The following NRL variants were observed in gnomAD, a reference collection of about 807,000 sequenced individuals.
NRL encodes neural retina leucine zipper.
NRL carries 16 observed loss-of-function variants against 12.5 expected under a neutral mutation model. That is an observed-to-expected ratio of 1.28 (90% CI 0.87 to 1.95). NRL has a LOEUF of 1.95. NRL is among the 30% of genes most tolerant of loss of function. The pLI is 0.00. For synonymous variants in NRL, 142 were observed against 150.9 expected, an observed-to-expected ratio of 0.94 and a Z score of 0.43; for missense variants, 314 against 325.8, an observed-to-expected ratio of 0.96 and a Z score of 0.28.
At chr14:24,113,447 C>T (rs1018851111) in intron 1 of NRL, among the ~76,000 whole-genome samples, 1 of 152,034 alleles carries the variant, frequency 6.6e-6, no homozygotes, top group African/African-American at 2.4e-5. Flanking sequence ...ATAAAGATCC[C>T]GATTTTCCAG....
At chr14:24,101,631 A>G (rs537331429) in intron 1 of NRL, among the ~76,000 whole-genome samples, 1 of 152,322 alleles carries the variant, frequency 6.6e-6, no homozygotes, top group South Asian at 2.1e-4. Flanking sequence ...TAGCTTTAAA[A>G]TCAATTCCTT....
chr14:24,082,868 G>A lies in NRL; in HGVS notation c.-20C>T. The A allele has an allele frequency of 2.5e-6, 4 of 1,604,670 alleles. No homozygotes were observed. The highest frequency in any genetic ancestry group is 3.4e-6 in the Non-Finnish European group (4 of 1,174,446). ...GGCCATTCTGGAGCTGGGCTGGGAG[G>A]AGTGCACCTGCAAAGAGGAGGAGAG... On this transcript the variant is annotated 5_prime_UTR_variant, in exon 2 of 3. Coordinates refer to ENST00000561028, the MANE Select transcript of NRL (RefSeq NM_001354768.3).
chr14:24,098,200 C>T (rs368443004), intron 1 of NRL: 3 of 1,591,082 alleles, frequency 1.9e-6, no homozygotes, highest in African/African-American at 2.7e-5. Context: ...CCCTCTCCCC[C>T]AGCTGGCTGG....
intron 1 of NRL, chr14:24,098,902 T>C (rs1462051186): frequency 4.1e-6 from 3 of 735,236 alleles, no homozygotes; most frequent in East Asian, 5.0e-5. Context: ...TGGAAGCTGA[T>C]GGTTATTATG....
chr14:24,098,996 C>T, intron 1 of NRL: 1 of 1,413,828 alleles, frequency 7.1e-7, no homozygotes, highest in Non-Finnish European at 9.8e-7. Flanking sequence ...CTGGCCCCGA[C>T]ACCCCAGTTC....
intron 1 of NRL, among the ~76,000 whole-genome samples, chr14:24,091,459 G>A (rs1428836767): frequency 6.6e-6 from 1 of 152,214 alleles, no homozygotes; most frequent in African/African-American, 2.4e-5. Context: ...AAGGAGGCAA[G>A]TGGGGATGTG....
In NRL at chr14:24,085,123, C is replaced by T. The variant is rs1468764874; in HGVS notation, c.-27-2248G>A. Among the ~76,000 whole-genome samples, 1 of 152,220 alleles carries T rather than the reference C, an allele frequency of 6.6e-6. No homozygotes were observed. The highest frequency in any genetic ancestry group is 1.9e-4 in the East Asian group (1 of 5,206). On this transcript the variant is annotated intron_variant, in intron 1 of 2. Transcript: ENST00000561028. The surrounding 1 kb of genome is among the most constrained non-coding windows in gnomAD (Gnocchi z 4.1). ...TTTCTACCTCTGCCCCATCTTCATGCTGACTGGTCTTATGCCCCTCATAGC... is the reference window on the plus strand; with the variant it reads ...TTTCTACCTCTGCCCCATCTTCATGTTGACTGGTCTTATGCCCCTCATAGC...
In NRL at chr14:24,082,551, G is replaced by A; in HGVS notation, c.298C>T (p.Gln100Ter). Residue 100 changes from glutamine (Q) to a stop codon, truncating the protein, a stop_gained, in exon 2 of 3, where the codon CAG becomes TAG. Coordinates refer to ENST00000561028, the MANE Select transcript of NRL (RefSeq NM_001354768.3). LOFTEE classifies it high-confidence loss of function. ...TCAACAGGGACTGGGCCCTGACCCTGCAGCAGCTCCATGGCCTCTTCAGGA... is the reference window on the plus strand; with the variant it reads ...TCAACAGGGACTGGGCCCTGACCCTACAGCAGCTCCATGGCCTCTTCAGGA... ...LSPEEAMELL[Q>*]GQGPVPVDGP... 1 of 1,613,512 alleles carries A rather than the reference G, an allele frequency of 6.2e-7. No homozygotes were observed. The highest frequency in any genetic ancestry group is 8.5e-7 in the Non-Finnish European group (1 of 1,180,014).
chr14:24,100,223 G>A, intron 1 of NRL: 1 of 1,613,962 alleles, frequency 6.2e-7, no homozygotes, highest in Admixed American at 1.7e-5. Context: ...GGTATGTGCG[G>A]TGGGGAAGGT....
At chr14:24,082,174 A>C (rs1254726719) in intron 2 of NRL, 8 of 694,576 alleles carry the variant, frequency 1.2e-5, no homozygotes, top group South Asian at 1.3e-4. Context: ...GTATCTGTTT[A>C]CCCCCCGGAG....
chr14:24,110,156 G>C (rs1013629216), intron 1 of NRL: 1 of 152,734 alleles, frequency 6.5e-6, no homozygotes, highest in Non-Finnish European at 1.5e-5. Flanking sequence ...TCTCATTCTC[G>C]CCCAGGCTGG....
In NRL at chr14:24,081,343, C is replaced by T. The variant is rs976510478; in HGVS notation, c.607G>A (p.Ala203Thr). ...TCCCGGGCCAGGCGGGCCACCTCGG[C>T]CCGCAGCGCGTCCAGCTGGGCGGCC... ...RLAAQLDALR[A>T]EVARLARERD... Residue 203 changes from alanine (A) to threonine (T), a missense_variant, in exon 3 of 3, where the codon GCC becomes ACC. By Grantham distance (58) the Ala-to-Thr change is moderately conservative. Transcript: ENST00000561028. The surrounding 1 kb of genome is among the most constrained non-coding windows in gnomAD (Gnocchi z 4.4). The T allele has an allele frequency of 2.0e-6, 3 of 1,468,462 alleles. No homozygotes were observed. Among genetic ancestry groups the T allele is most frequent in the African/African-American group, 2.9e-5 (2 of 68,170 alleles). 91.0% of individuals were successfully genotyped at this position (1,468,462 alleles called of 1,614,324 possible). A position where few individuals can be genotyped will look rare whatever the true frequency, so the allele number is the denominator to read the frequency against.
At position 24,094,905 on chromosome 14, in the gene NRL, T is replaced by C. The variant is rs1192184703; in HGVS notation, c.-27-12030A>G. 5.8e-6 allele frequency: 7 copies of C among 1,210,346 alleles called. No individual in the cohort carries two copies. The highest frequency in any genetic ancestry group is 1.6e-5 in the African/African-American group (1 of 64,088). The allele number at this position is 1,210,346 out of a possible 1,614,324, so 75.0% of individuals were successfully genotyped here. A position where few individuals can be genotyped will look rare whatever the true frequency, so the allele number is the denominator to read the frequency against. On this transcript the variant is annotated intron_variant, in intron 1 of 2. Coordinates refer to ENST00000561028, the MANE Select transcript of NRL (RefSeq NM_001354768.3). This position sits in a 1 kb window ranked among gnomAD's most constrained non-coding sequence, Gnocchi z 4.1. ...CCTAAAGAAGGTGGAAGGTTAAATA[T>C]CCATTCCCGGCCTCTCCCGGACTGG...
chr14:24,093,709 A>C (rs947715333), intron 1 of NRL, among the ~76,000 whole-genome samples: 1 of 152,006 alleles, frequency 6.6e-6, no homozygotes, highest in Non-Finnish European at 1.5e-5. Flanking sequence ...CCGGGGGAGG[A>C]GAATGACCAG....
chr14:24,108,498 A>ATTTTTT (rs751345042), intron 1 of NRL, among the ~76,000 whole-genome samples: 1 of 140,368 alleles, frequency 7.1e-6, no homozygotes, highest in East Asian at 2.0e-4. Context: ...CACCTGGCTA[A>ATTTTTT]TTTTTTTTTT....
chr14:24,096,962 A>G, intron 1 of NRL: 1 of 1,613,614 alleles, frequency 6.2e-7, no homozygotes, highest in Non-Finnish European at 8.5e-7. Context: ...GCGAGTGCTT[A>G]GTGGAGATCT....
rs1401726182 is a variant in NRL at position 24,079,690 on chromosome 14, C to A, written c.*1546G>T. On this transcript the variant is annotated 3_prime_UTR_variant, in exon 3 of 3. Transcript: ENST00000561028. ...AAGGAAGAGGGACATATGGGAGCCT[C>A]TTCCCCCATGCCCGAAAGCTTCTCC... Among the ~76,000 whole-genome samples, 2 of 152,168 alleles carry A rather than the reference C, an allele frequency of 1.3e-5. No individual in the cohort carries two copies. The highest frequency in any genetic ancestry group is 2.4e-5 in the African/African-American group (1 of 41,434).
At chr14:24,102,629 A>ACCTGCT in intron 1 of NRL, 2 of 759,370 alleles carry the variant, frequency 2.6e-6, no homozygotes, top group South Asian at 3.8e-5. Context: ...TTATCACACA[A>ACCTGCT]GGTTCTAGGC....
Position 24,082,862 on chromosome 14 carries a change from TG to T in NRL, c.-15del. On this transcript the variant is annotated 5_prime_UTR_variant, in exon 2 of 3. Transcript: ENST00000561028. ...GGGCAGGGCCATTCTGGAGCTGGGC[TG>T]GGAGGAGTGCACCTGCAAAGAGGAG... is the stretch of plus-strand genomic sequence containing the variant. The T allele has an allele frequency of 6.2e-7, 1 of 1,607,326 alleles. No homozygotes were observed. The highest frequency in any genetic ancestry group is 8.5e-7 in the Non-Finnish European group (1 of 1,175,882).
Sources: allele counts gnomAD v4.1 joint callset (sites outside exome capture counted in the v4.1 genomes callset), GRCh38; gene constraint gnomAD v4.1.1; non-coding constraint Gnocchi (gnomAD v3.1); transcripts MANE v1.5; gene names NCBI Gene and HGNC (gene_info 2026-07-23, HGNC 2026-07-21).